Variants in SUCO observed in about 807,000 individuals in gnomAD.
SUCO encodes SUN domain-containing ossification factor.
SUCO carries 57 observed loss-of-function variants against 148.1 expected under a neutral mutation model. The observed-to-expected ratio is 0.38, with a 90% confidence interval of 0.31 to 0.48. The LOEUF (loss-of-function observed/expected upper bound fraction) is 0.48. SUCO is among the 20% of genes least tolerant of loss of function. The pLI is 0.96. For synonymous variants in SUCO, 470 were observed against 502.7 expected, an observed-to-expected ratio of 0.93 and a Z score of 0.87; for missense variants, 1,331 against 1,468.2, an observed-to-expected ratio of 0.91 and a Z score of 1.53.
chr1:172,589,435 A>G lies in SUCO; in HGVS notation c.2334A>G (p.Glu778=), dbSNP rs202086887. 112 of 1,612,918 alleles carry G rather than the reference A, an allele frequency of 6.9e-5. No homozygotes were observed. The highest frequency in any genetic ancestry group is 7.3e-5 in the Non-Finnish European group (86 of 1,179,666). Residue 778 remains glutamate (E), a synonymous_variant, in exon 18 of 24, where the codon GAA becomes GAG. Coordinates refer to ENST00000263688, the MANE Select transcript of SUCO (RefSeq NM_014283.5). ...CTGTTGAGATCGATAATGAAACAGA[A>G]CAAAAGTCTGAGAGCTTTAGTTCTA... ...ESSVEIDNET[E]QKSESFSSIE...
Position 172,533,282 on chromosome 1 carries a change from C to T in SUCO, c.-154C>T, listed in dbSNP as rs939180379. ...GCCCTCAGAGAGGGCTGCCAGGACG[C>T]GAGCCACTGAGGAGCCGCTCAGCCA... On this transcript the variant is annotated 5_prime_UTR_variant, in exon 1 of 24. Transcript: ENST00000263688. 9 of 1,549,424 alleles carry T rather than the reference C, an allele frequency of 5.8e-6. No homozygotes were observed. Among genetic ancestry groups the T allele is most frequent in the African/African-American group, 2.7e-5 (2 of 73,094 alleles).
chr1:172,578,382 G>A lies in SUCO; in HGVS notation c.1425G>A (p.Glu475=), dbSNP rs12033849. The change falls in exon 14 of 24, where the codon GAG becomes GAA. Residue 475 remains glutamate (E), a synonymous_variant. Transcript: ENST00000263688. Reference sequence around the variant, plus strand: ...CAGAACGCCAGGAACTATTTGATGAGGACTATGGTAAGTGACATCAAACAG... The same window carrying A: ...CAGAACGCCAGGAACTATTTGATGAAGACTATGGTAAGTGACATCAAACAG... ...YHSERQELFD[E]DYDYPLDYNT... The A allele has an allele frequency of 5.9e-4, 955 of 1,610,750 alleles. 12 individuals carry two copies. In the East Asian group the frequency reaches 0.017, roughly 28 times the overall value.
At chr1:172,602,301 A>T (rs1002348960) in intron 21 of SUCO, 83 bp downstream of exon 21, 8 of 1,388,700 alleles carry the variant, frequency 5.8e-6, no homozygotes, top group Non-Finnish European at 7.6e-6. Context: ...AAATAAAGGG[A>T]GACTGAGGTA....
intron 1 of SUCO, among the ~76,000 whole-genome samples, chr1:172,541,445 T>C (rs1421578448): frequency 6.6e-6 from 1 of 152,236 alleles, no homozygotes; most frequent in East Asian, 1.9e-4. Context: ...CAACCCCTTC[T>C]GGATCCCAAG....
chr1:172,590,461 T>A, intron 18 of SUCO: 1 of 579,252 alleles, frequency 1.7e-6, no homozygotes, highest in Non-Finnish European at 2.2e-6. Context: ...GCCAATTCAT[T>A]AAGACACCAG....
chr1:172,584,082 A>G (rs933452678), intron 15 of SUCO, among the ~76,000 whole-genome samples: 3 of 152,344 alleles, frequency 2.0e-5, no homozygotes, highest in South Asian at 4.1e-4. Flanking sequence ...TGTATGCTTT[A>G]TGATTTAAAA....
intron 7 of SUCO, 110 bp from the exon 8 acceptor site, chr1:172,569,932 CCTATT>C: frequency 1.0e-6 from 1 of 1,003,422 alleles, no homozygotes; most frequent in Non-Finnish European, 1.3e-6. Flanking sequence ...AGTGTTAAAA[CCTATT>C]CTTTTCTAGA....
intron 17 of SUCO, chr1:172,587,953 G>C (rs937083873): frequency 5.2e-5 from 16 of 307,426 alleles, no homozygotes; most frequent in Non-Finnish European, 6.7e-5. Flanking sequence ...CCACTCTCCT[G>C]TATGCCACAT....
intron 1 of SUCO, among the ~76,000 whole-genome samples, chr1:172,535,186 G>A (rs1651920444): frequency 6.6e-6 from 1 of 152,188 alleles, no homozygotes; most frequent in South Asian, 2.1e-4. Context: ...GCCTGGTATT[G>A]AAAGTAGTAG....
intron 3 of SUCO, among the ~76,000 whole-genome samples, chr1:172,555,612 G>A (rs922602192): frequency 6.6e-6 from 1 of 152,168 alleles, no homozygotes; most frequent in African/African-American, 2.4e-5. Context: ...CTGATGCAAA[G>A]TAGGAAATAG....
intron 1 of SUCO, among the ~76,000 whole-genome samples, chr1:172,534,291 C>G (rs952501244): frequency 1.3e-5 from 2 of 152,140 alleles, no homozygotes; most frequent in African/African-American, 4.8e-5. Flanking sequence ...ACTGCTGTCA[C>G]CGTACTTGGA....
Position 172,600,105 on chromosome 1 carries a change from G to A in SUCO, c.2955G>A (p.Gln985=), listed in dbSNP as rs778755676. 4 of 1,610,550 alleles carry A rather than the reference G, an allele frequency of 2.5e-6. No homozygotes were observed. In the East Asian group the frequency reaches 6.7e-5, roughly 27 times the overall value. The change falls in exon 20 of 24, where the codon CAG becomes CAA. Residue 985 remains glutamine, a synonymous_variant. Transcript: ENST00000263688. ...AAGCCATCCAGTTGCTACAGGCACA[G>A]CTGACCAACATGACACAGCTTGTTT... ...QTEAIQLLQA[Q]LTNMTQLVSN...
At chr1:172,568,288 T>G (rs1457829556) in intron 6 of SUCO, 1 of 964,194 alleles carries the variant, frequency 1.0e-6, no homozygotes, top group African/African-American at 1.8e-5. Context: ...ACAAATTTAT[T>G]GATTTTATTC....
intron 1 of SUCO, among the ~76,000 whole-genome samples, chr1:172,542,156 G>T (rs1010237233): frequency 1.3e-5 from 2 of 152,104 alleles, no homozygotes; most frequent in African/African-American, 2.4e-5. Flanking sequence ...GAGGCAGGCG[G>T]ATCACCTGAG....
intron 1 of SUCO, among the ~76,000 whole-genome samples, chr1:172,536,483 T>C (rs1440944984): frequency 6.6e-6 from 1 of 151,288 alleles, no homozygotes; most frequent in African/African-American, 2.5e-5. Flanking sequence ...ATCATAACAT[T>C]ATTCAACCAC....
chr1:172,571,292 T>G (rs1315593371), intron 9 of SUCO, among the ~76,000 whole-genome samples: 1 of 152,170 alleles, frequency 6.6e-6, no homozygotes, highest in South Asian at 2.1e-4. Flanking sequence ...AGCTCCTAAC[T>G]GCGAGTGATC....
Position 172,552,025 on chromosome 1 carries a change from G to T in SUCO, c.177+399G>T, listed in dbSNP as rs139944519. 7.6e-3 allele frequency: 1,161 copies of T among 152,580 alleles called. 16 individuals carry two copies. The highest frequency in any genetic ancestry group is 0.027 in the African/African-American group (1,104 of 41,534). 9.5% of individuals were successfully genotyped at this position (152,580 alleles called of 1,614,324 possible). ...TGTAGTTTGTTTTATGTAATTAGGT[G>T]CAGTAAATATAAAGACTCCAAAAAA... On this transcript the variant is annotated intron_variant, in intron 2 of 23. Coordinates refer to ENST00000263688, the MANE Select transcript of SUCO (RefSeq NM_014283.5).
chr1:172,562,325 A>T (rs958224764), intron 6 of SUCO, among the ~76,000 whole-genome samples: 1 of 147,302 alleles, frequency 6.8e-6, no homozygotes, highest in Admixed American at 6.8e-5. Flanking sequence ...TTGGGTTTTA[A>T]CATTTTTTTT....
intron 20 of SUCO, among the ~76,000 whole-genome samples, chr1:172,601,666 G>C (rs148364589): frequency 6.6e-6 from 1 of 152,144 alleles, no homozygotes; most frequent in Non-Finnish European, 1.5e-5. Flanking sequence ...TTGGGCTTAC[G>C]TAACTGGGTG....
Sources: allele counts gnomAD v4.1 joint callset (sites outside exome capture counted in the v4.1 genomes callset), GRCh38; gene constraint gnomAD v4.1.1; transcripts MANE v1.5; gene names NCBI Gene and HGNC (gene_info 2026-07-23, HGNC 2026-07-21).